ADARB2: variants seen among roughly 807,000 people sequenced by gnomAD.
ADARB2 encodes the protein adenosine deaminase RNA specific B2 (inactive), also known as inactive double-stranded RNA-specific editase B2.
A neutral mutation model predicts 62.2 loss-of-function variants in ADARB2; 25 were observed. The ratio of observed to expected loss-of-function variants is 0.40; its 90% CI spans 0.29 to 0.56. ADARB2 has a LOEUF of 0.56. Ranked by LOEUF, ADARB2 falls within the 20% of genes least tolerant of loss-of-function variation. The pLI is 0.43. For missense variants in ADARB2, 1,071 were observed against 1,077.4 expected (o/e 0.99, Z 0.08); for synonymous variants, 572 against 500.8 (o/e 1.14, Z -1.90).
At chr10:1,474,900 C>T (rs902044371) in intron 1 of ADARB2, among the ~76,000 whole-genome samples, 5 of 152,172 alleles carry the variant, frequency 3.3e-5, no homozygotes, top group African/African-American at 9.6e-5. Flanking sequence ...GGGGGTCACG[C>T]ACCACACGGC....
Position 1,530,971 on chromosome 10 carries a change from C to T in ADARB2, c.101-151811G>A, listed in dbSNP as rs1040768092. ...AGTACTCAGCACGCAGGTCTCAGCACTCAGCACTCAGGTCAGTCGTTGCTT... is the reference window on the plus strand; with the variant it reads ...AGTACTCAGCACGCAGGTCTCAGCATTCAGCACTCAGGTCAGTCGTTGCTT... On this transcript the variant is annotated intron_variant, in intron 1 of 9. Coordinates refer to ENST00000381312, the MANE Select transcript of ADARB2 (RefSeq NM_018702.4). 2.0e-5 allele frequency among the ~76,000 whole-genome samples: 3 copies of T among 152,178 alleles called. No homozygotes were observed. The South Asian group carries it at 6.2e-4, about 32-fold the overall frequency.
chr10:1,194,496 A>T (rs902968986), intron 8 of ADARB2, among the ~76,000 whole-genome samples: 16 of 150,170 alleles, frequency 1.1e-4, no homozygotes, highest in Admixed American at 1.0e-3. Context: ...TCTATCTATC[A>T]TCTATCATCT....
At chr10:1,675,925 C>G in intron 1 of ADARB2, 1 of 892,958 alleles carries the variant, frequency 1.1e-6, no homozygotes, top group African/African-American at 1.8e-5. Context: ...CCGCGTGGGT[C>G]AGAGTTGAAT....
At chr10:1,350,641 C>T (rs1234292609) in intron 3 of ADARB2, among the ~76,000 whole-genome samples, 1 of 152,150 alleles carries the variant, frequency 6.6e-6, no homozygotes, top group Non-Finnish European at 1.5e-5. Context: ...TCTTTTTCAT[C>T]AAATATAAAA....
intron 1 of ADARB2, among the ~76,000 whole-genome samples, chr10:1,721,872 C>G (rs866676814): frequency 5.9e-5 from 9 of 152,054 alleles, no homozygotes; most frequent in Middle Eastern, 3.2e-3. Context: ...CTCCATCTGC[C>G]CCCTTGTCGA....
At chr10:1,699,021 G>A (rs1190373620) in intron 1 of ADARB2, among the ~76,000 whole-genome samples, 26 of 152,164 alleles carry the variant, frequency 1.7e-4, no homozygotes, top group Admixed American at 5.2e-4. Context: ...TCGGCCTCCC[G>A]AAGTGCTGGG....
At chr10:1,404,456 C>A (rs1429903097) in intron 1 of ADARB2, among the ~76,000 whole-genome samples, 1 of 152,218 alleles carries the variant, frequency 6.6e-6, no homozygotes, top group African/African-American at 2.4e-5. Context: ...GCCAGGGAGA[C>A]GCTGCGTGGT....
intron 1 of ADARB2, among the ~76,000 whole-genome samples, chr10:1,724,579 G>A (rs897865824): frequency 5.9e-5 from 9 of 152,218 alleles, no homozygotes; most frequent in African/African-American, 2.2e-4. Context: ...AGAAAGTGAT[G>A]ATGCTCCTCA....
chr10:1,644,090 T>C (rs1436355785), intron 1 of ADARB2, among the ~76,000 whole-genome samples: 2 of 152,204 alleles, frequency 1.3e-5, no homozygotes, highest in African/African-American at 4.8e-5. Context: ...TGCGGGGAGA[T>C]GGGGCATTCA....
intron 1 of ADARB2, among the ~76,000 whole-genome samples, chr10:1,504,915 T>C (rs1479412223): frequency 6.6e-6 from 1 of 151,888 alleles, no homozygotes; most frequent in African/African-American, 2.4e-5. Flanking sequence ...CACACACACA[T>C]GCGTGTGCGT....
intron 1 of ADARB2, among the ~76,000 whole-genome samples, chr10:1,634,026 T>C (rs1358094192): frequency 6.6e-6 from 1 of 152,134 alleles, no homozygotes; most frequent in Non-Finnish European, 1.5e-5. Context: ...ACACCTCCCT[T>C]GATCTGCACA....
intron 1 of ADARB2, among the ~76,000 whole-genome samples, chr10:1,490,405 GAAA>G (rs899237115): frequency 1.3e-5 from 2 of 152,050 alleles, no homozygotes; most frequent in African/African-American, 4.8e-5. Context: ...AATGACCACT[GAAA>G]AAATCCTCTG....
intron 4 of ADARB2, among the ~76,000 whole-genome samples, chr10:1,268,729 G>T (rs1261819565): frequency 6.6e-6 from 1 of 152,076 alleles, no homozygotes; most frequent in East Asian, 1.9e-4. Flanking sequence ...TTTACAATAG[G>T]AAAGTAAATT....
chr10:1,478,947 G>A (rs1252287750), intron 1 of ADARB2, among the ~76,000 whole-genome samples: 1 of 152,284 alleles, frequency 6.6e-6, no homozygotes, highest in Admixed American at 6.5e-5. Context: ...GAGGAGGAGG[G>A]GCCTGCAAAC....
At chr10:1,694,984 C>T (rs897224130) in intron 1 of ADARB2, among the ~76,000 whole-genome samples, 14 of 152,148 alleles carry the variant, frequency 9.2e-5, no homozygotes, top group Non-Finnish European at 1.9e-4. Context: ...GGAGACCTTG[C>T]GACTCGCCAT....
rs369017743 is a variant in ADARB2 at position 1,540,864 on chromosome 10, C to T, written c.101-161704G>A. On this transcript the variant is annotated intron_variant, in intron 1 of 9. Transcript: ENST00000381312. ...TGGATCCGTCCAGACCCCACTCAGA[C>T]GTAGTTCAGACCCTGGATCACAGCC... Among the ~76,000 whole-genome samples the T allele has an allele frequency of 5.7e-5, 3 of 53,036 alleles. 1 individual carries two copies. Among genetic ancestry groups the T allele is most frequent in the Non-Finnish European group, 1.1e-4 (3 of 26,620 alleles). 34.8% of individuals were successfully genotyped at this position (53,036 alleles called of 152,430 possible).
At chr10:1,206,469 C>G (rs1266989856) in intron 7 of ADARB2, among the ~76,000 whole-genome samples, 1 of 150,514 alleles carries the variant, frequency 6.6e-6, no homozygotes, top group Non-Finnish European at 1.5e-5. Context: ...CGTGCCTGTG[C>G]GTCTGAGAGA....
chr10:1,667,165 A>G (rs1834326337), intron 1 of ADARB2, among the ~76,000 whole-genome samples: 1 of 152,262 alleles, frequency 6.6e-6, no homozygotes, highest in Non-Finnish European at 1.5e-5. Context: ...GATCTTGCTC[A>G]TGAAAAGCTG....
intron 1 of ADARB2, chr10:1,678,161 G>C: frequency 1.0e-6 from 1 of 985,314 alleles, no homozygotes; most frequent in Non-Finnish European, 1.2e-6. Flanking sequence ...CTGAGGGGTC[G>C]GTCACCCAGC....
Sources: gnomAD v4.1 joint callset for allele counts (sites outside exome capture counted in the v4.1 genomes callset) on GRCh38, gnomAD v4.1.1 for gene constraint, MANE v1.5 for transcripts, NCBI Gene and HGNC (gene_info 2026-07-23, HGNC 2026-07-21) for gene names.